The following RAPGEF2 variants were observed in gnomAD, a reference collection of about 807,000 sequenced individuals.
RAPGEF2 encodes Rap guanine nucleotide exchange factor 2.
A neutral mutation model predicts 186.7 loss-of-function variants in RAPGEF2; 54 were observed. That is an observed-to-expected ratio of 0.29 (90% CI 0.23 to 0.36). The LOEUF (loss-of-function observed/expected upper bound fraction) is 0.36, where lower values mean the gene tolerates loss of function less well. Ranked by LOEUF, RAPGEF2 falls within the 10% of genes least tolerant of loss-of-function variation. The probability of loss-of-function intolerance (pLI) is 1.00; values close to 1 mark genes in which losing one functional copy is unlikely to be tolerated. For synonymous variants in RAPGEF2, 712 were observed against 705.9 expected (o/e 1.01, Z -0.14); for missense variants, 1,532 against 2,045.0 (o/e 0.75, Z 4.84).
At chr4:159,170,445 A>G (rs1345376764) in intron 1 of RAPGEF2, among the ~76,000 whole-genome samples, 5 of 152,252 alleles carry the variant, frequency 3.3e-5, no homozygotes, top group Non-Finnish European at 7.3e-5. Context: ...TAATACAGTA[A>G]AAAAGACAAT....
intron 7 of RAPGEF2, among the ~76,000 whole-genome samples, chr4:159,303,665 C>G (rs1283831647): frequency 6.6e-6 from 1 of 150,678 alleles, no homozygotes; most frequent in African/African-American, 2.4e-5. Flanking sequence ...TGCATTTTCT[C>G]TGGTATATAA....
intron 28 of RAPGEF2, 118 bp from the exon 29 acceptor site, chr4:159,355,735 T>C (rs2111349376): frequency 1.0e-6 from 1 of 987,508 alleles, no homozygotes; most frequent in Non-Finnish European, 1.5e-6. Flanking sequence ...ACCGATACCA[T>C]GCAAATGCAC....
intron 1 of RAPGEF2, among the ~76,000 whole-genome samples, chr4:159,114,342 TC>T (rs1403743576): frequency 1.3e-5 from 2 of 152,038 alleles, no homozygotes; most frequent in Non-Finnish European, 2.9e-5. Flanking sequence ...GACCTCGTGA[TC>T]CGCCCACTGC....
intron 1 of RAPGEF2, among the ~76,000 whole-genome samples, chr4:159,147,468 AC>A (rs1367216602): frequency 6.6e-6 from 1 of 152,114 alleles, no homozygotes; most frequent in African/African-American, 2.4e-5. Context: ...TTAGCTGACT[AC>A]CCAAGGTCAT....
At chr4:159,178,244 A>G (rs1184866770) in intron 1 of RAPGEF2, among the ~76,000 whole-genome samples, 1 of 152,132 alleles carries the variant, frequency 6.6e-6, no homozygotes, top group Non-Finnish European at 1.5e-5. Context: ...GTTGTGTACA[A>G]GCAGCAAAGA....
At chr4:159,321,331 T>C (rs993460903) in intron 9 of RAPGEF2, among the ~76,000 whole-genome samples, 1 of 151,896 alleles carries the variant, frequency 6.6e-6, no homozygotes, top group Non-Finnish European at 1.5e-5. Flanking sequence ...CTCAGCCTCC[T>C]GAGTAGCTAG....
chr4:159,243,902 T>C, intron 7 of RAPGEF2, 111 bp downstream of exon 7: 1 of 838,376 alleles, frequency 1.2e-6, no homozygotes, highest in Non-Finnish European at 1.7e-6. Context: ...CTTGTCCTTC[T>C]GTATTTTGCC....
At chr4:159,272,454 A>T (rs1396294590) in intron 7 of RAPGEF2, among the ~76,000 whole-genome samples, 1 of 152,040 alleles carries the variant, frequency 6.6e-6, no homozygotes, top group Non-Finnish European at 1.5e-5. Context: ...CTTGACTTTG[A>T]CTTGGTCCTT....
At chr4:159,299,896 A>G (rs1391739207) in intron 7 of RAPGEF2, among the ~76,000 whole-genome samples, 2 of 151,834 alleles carry the variant, frequency 1.3e-5, no homozygotes, top group African/African-American at 2.4e-5. Context: ...AAAAAAAGCT[A>G]TTATACAAAT....
At chr4:159,316,094 T>C (rs570491334) in intron 9 of RAPGEF2, among the ~76,000 whole-genome samples, 1 of 152,310 alleles carries the variant, frequency 6.6e-6, no homozygotes, top group Admixed American at 6.5e-5. Context: ...TCTTCCCAGA[T>C]GCTGACGTTA....
In RAPGEF2 at chr4:159,353,970, G is replaced by C. The variant is rs1253205785; in HGVS notation, c.4575G>C (p.Val1525=). ...IEAESSSLTS[V]TTEETKPVPM... ...CCGAAAGCAGTAGCCTAACGTCTGT[G>C]ACTACGGAAGAAACCAAGCCTGTCC... Residue 1525 remains valine (V), a synonymous_variant, in exon 28 of 30, where the codon GTG becomes GTC. Coordinates refer to ENST00000691494, the MANE Select transcript of RAPGEF2 (RefSeq NM_001394067.2). This position sits in a 1 kb window ranked among gnomAD's most constrained non-coding sequence, Gnocchi z 4.3. 1 of 1,613,728 alleles carries C rather than the reference G, an allele frequency of 6.2e-7. No homozygotes were observed. Among genetic ancestry groups the C allele is most frequent in the Non-Finnish European group, 8.5e-7 (1 of 1,179,978 alleles).
chr4:159,309,313 C>CTA (rs1331885982), intron 8 of RAPGEF2, among the ~76,000 whole-genome samples: 1 of 152,116 alleles, frequency 6.6e-6, no homozygotes, highest in Admixed American at 6.5e-5. Context: ...CCTTCCTAGA[C>CTA]GCCAATTGAA....
intron 19 of RAPGEF2, among the ~76,000 whole-genome samples, chr4:159,340,930 C>T (rs1729382706): frequency 6.6e-6 from 1 of 152,190 alleles, no homozygotes; most frequent in African/African-American, 2.4e-5. Flanking sequence ...CCTTTAGGAG[C>T]CTGTTTCCTA....
At position 159,355,897 on chromosome 4, in the gene RAPGEF2, G is replaced by T; in HGVS notation, c.4696G>T (p.Gly1566Cys). Reference protein sequence around the residue: ...RYREPPPTPPGYIGIPITDFP... With the variant: ...RYREPPPTPPCYIGIPITDFP... ...TCGAGAGCCCCCGCCCACCCCTCCC[G>T]GCTACATTGGAATTCCCATTACTGA... The change falls in exon 29 of 30, where the codon GGC (glycine) becomes TGC (cysteine). Residue 1566 changes from glycine (G) to cysteine (C), a missense_variant. Gly to Cys is a radical substitution (Grantham distance 159, BLOSUM62 -3). Around this residue, in one of 4 missense-constraint regions of RAPGEF2, gnomAD observed 594 missense variants for 608.5 expected, o/e 0.98. Transcript: ENST00000691494. 1 of 377,500 alleles carries T rather than the reference G, an allele frequency of 2.6e-6. No individual in the cohort carries two copies. Among genetic ancestry groups the T allele is most frequent in the Non-Finnish European group, 4.5e-6 (1 of 220,446 alleles). 23.4% of individuals were successfully genotyped at this position (377,500 alleles called of 1,614,324 possible).
At chr4:159,172,070 CTT>C (rs1745965707) in intron 1 of RAPGEF2, among the ~76,000 whole-genome samples, 1 of 152,124 alleles carries the variant, frequency 6.6e-6, no homozygotes, top group African/African-American at 2.4e-5. Flanking sequence ...AAGGAGAACT[CTT>C]TAAATGGAAT....
chr4:159,108,465 AC>A (rs780731662), intron 1 of RAPGEF2, among the ~76,000 whole-genome samples: 2 of 151,716 alleles, frequency 1.3e-5, no homozygotes, highest in Non-Finnish European at 2.9e-5. Context: ...TAAAAACAAA[AC>A]TAGTTATAAC....
At chr4:159,299,617 T>C (rs1382095566) in intron 7 of RAPGEF2, among the ~76,000 whole-genome samples, 1 of 151,990 alleles carries the variant, frequency 6.6e-6, no homozygotes, top group African/African-American at 2.4e-5. Flanking sequence ...ATTTTAGGTA[T>C]TTTACCAATT....
At chr4:159,222,879 TAATC>T (rs1038288123) in intron 4 of RAPGEF2, among the ~76,000 whole-genome samples, 1 of 151,794 alleles carries the variant, frequency 6.6e-6, no homozygotes, top group African/African-American at 2.4e-5. Context: ...AATGTCCAAT[TAATC>T]ATAGTTCAGG....
chr4:159,123,169 G>A (rs1739903674), intron 1 of RAPGEF2, among the ~76,000 whole-genome samples: 1 of 152,184 alleles, frequency 6.6e-6, no homozygotes, highest in African/African-American at 2.4e-5. Context: ...GTTTTTGGGA[G>A]TCAAAAGTTA....
Sources: allele counts gnomAD v4.1 joint callset (sites outside exome capture counted in the v4.1 genomes callset), GRCh38; gene constraint gnomAD v4.1.1; regional missense constraint gnomAD v4.1.1; non-coding constraint Gnocchi (gnomAD v3.1); transcripts MANE v1.5; gene names NCBI Gene and HGNC (gene_info 2026-07-23, HGNC 2026-07-21).